The following EXOC6B variants were observed in gnomAD, a reference collection of about 807,000 sequenced individuals.
EXOC6B encodes exocyst complex component 6B.
In EXOC6B, 54 loss-of-function variants were observed where a neutral mutation model predicts 113.5. The observed-to-expected ratio is 0.48, with a 90% CI of 0.38 to 0.60. The LOEUF is 0.60. Ranked by LOEUF, EXOC6B falls within the 20% of genes least tolerant of loss-of-function variation. The pLI is 0.00. For synonymous variants in EXOC6B, 357 were observed against 339.0 expected (o/e 1.05, Z -0.58); for missense variants, 797 against 977.5 (o/e 0.82, Z 2.46).
At chr2:72,466,656 TGATA>T (rs1227496962) in intron 17 of EXOC6B, among the ~76,000 whole-genome samples, 2 of 152,170 alleles carry the variant, frequency 1.3e-5, no homozygotes, top group Non-Finnish European at 1.5e-5. Context: ...AAAATTTGAT[TGATA>T]AATAAAAATT....
At chr2:72,475,356 T>A (rs1211801184) in intron 17 of EXOC6B, among the ~76,000 whole-genome samples, 1 of 152,126 alleles carries the variant, frequency 6.6e-6, no homozygotes, top group Non-Finnish European at 1.5e-5. Flanking sequence ...TAGTCCCAAG[T>A]GGTTCACACG....
intron 20 of EXOC6B, among the ~76,000 whole-genome samples, chr2:72,205,665 G>C (rs1572996001): frequency 6.6e-6 from 1 of 152,308 alleles, no homozygotes; most frequent in East Asian, 1.9e-4. Flanking sequence ...TAGTTGGCAA[G>C]GCCTTGCCCA....
chr2:72,446,392 A>G (rs76846970), intron 18 of EXOC6B, among the ~76,000 whole-genome samples: 17 of 152,098 alleles, frequency 1.1e-4, no homozygotes, highest in Non-Finnish European at 1.5e-5. Context: ...AAAAAAAAAA[A>G]ATGAAAAGAA....
chr2:72,815,360 G>A (rs1205225873), intron 1 of EXOC6B, among the ~76,000 whole-genome samples: 2 of 151,332 alleles, frequency 1.3e-5, no homozygotes, highest in Non-Finnish European at 2.9e-5. Context: ...ACGTGGTGTC[G>A]CGCACCTGTA....
At chr2:72,227,726 C>T (rs2104453379) in intron 20 of EXOC6B, among the ~76,000 whole-genome samples, 1 of 152,194 alleles carries the variant, frequency 6.6e-6, no homozygotes, top group East Asian at 1.9e-4. Flanking sequence ...TTAATAAATA[C>T]CACATTCTTT....
At chr2:72,535,203 C>A (rs1248091209) in intron 8 of EXOC6B, among the ~76,000 whole-genome samples, 1 of 152,010 alleles carries the variant, frequency 6.6e-6, no homozygotes, top group Non-Finnish European at 1.5e-5. Flanking sequence ...GAAAGGAATC[C>A]CTAGATGTAC....
chr2:72,676,545 A>G (rs919875621), intron 6 of EXOC6B, among the ~76,000 whole-genome samples: 11 of 152,376 alleles, frequency 7.2e-5, no homozygotes, highest in African/African-American at 2.4e-4. Flanking sequence ...AGCAGAGTAC[A>G]CAATAGGCTT....
rs375458613 is a variant in EXOC6B at position 72,651,826 on chromosome 2, G to C, written c.669+66277C>G. Among the ~76,000 whole-genome samples, 3 of 152,116 alleles carry C rather than the reference G, an allele frequency of 2.0e-5. No individual in the cohort carries two copies. The East Asian group carries it at 5.8e-4, about 29-fold the overall frequency. On this transcript the variant is annotated intron_variant, in intron 6 of 21. Transcript: ENST00000272427. The stretch of plus-strand genomic sequence containing the variant: ...TATCCAGGGTGGTCTCATTATCCAG[G>C]GTGGTCTCGATCTCCTGACCTTGTG...
chr2:72,516,891 T>G (rs1701237508), intron 8 of EXOC6B, among the ~76,000 whole-genome samples: 1 of 152,148 alleles, frequency 6.6e-6, no homozygotes, highest in Admixed American at 6.5e-5. Flanking sequence ...AAATCAATGA[T>G]TAAAGTAAAA....
chr2:72,681,150 C>G (rs1558913073), intron 6 of EXOC6B, among the ~76,000 whole-genome samples: 1 of 152,050 alleles, frequency 6.6e-6, no homozygotes, highest in Non-Finnish European at 1.5e-5. Context: ...TGCAACATAC[C>G]CCTTTGCTCT....
chr2:72,763,759 T>A (rs553448511), intron 1 of EXOC6B, among the ~76,000 whole-genome samples: 1 of 152,252 alleles, frequency 6.6e-6, no homozygotes, highest in African/African-American at 2.4e-5. Context: ...TATTTTTAAT[T>A]TTTGAGAAGT....
chr2:72,689,583 T>G (rs1677337547), intron 6 of EXOC6B, among the ~76,000 whole-genome samples: 1 of 152,206 alleles, frequency 6.6e-6, no homozygotes, highest in South Asian at 2.1e-4. Flanking sequence ...GGGTGAAGAC[T>G]AGGTCTGAAT....
chr2:72,752,247 C>T (rs1215268627), intron 1 of EXOC6B, among the ~76,000 whole-genome samples: 1 of 152,090 alleles, frequency 6.6e-6, no homozygotes, highest in East Asian at 1.9e-4. Flanking sequence ...TTCCAATACA[C>T]AAATCTGTCT....
At chr2:72,627,724 T>C (rs984263262) in intron 6 of EXOC6B, among the ~76,000 whole-genome samples, 46 of 152,292 alleles carry the variant, frequency 3.0e-4, no homozygotes, top group African/African-American at 9.9e-4. Context: ...GATCTGTGTG[T>C]CCCTGGTGCA....
At chr2:72,645,859 C>A (rs1418156508) in intron 6 of EXOC6B, among the ~76,000 whole-genome samples, 4 of 152,094 alleles carry the variant, frequency 2.6e-5, no homozygotes, top group Non-Finnish European at 4.4e-5. Context: ...AAAATCAACA[C>A]CCTAACATCA....
chr2:72,243,570 A>C (rs1373058128), intron 20 of EXOC6B, among the ~76,000 whole-genome samples: 4 of 152,132 alleles, frequency 2.6e-5, no homozygotes, highest in African/African-American at 9.7e-5. Flanking sequence ...AGGGTGGGGA[A>C]CATCACTCCC....
intron 20 of EXOC6B, among the ~76,000 whole-genome samples, chr2:72,232,794 C>G (rs1253599154): frequency 6.6e-6 from 1 of 152,072 alleles, no homozygotes; most frequent in Non-Finnish European, 1.5e-5. Flanking sequence ...AAACCCGGGC[C>G]AGGCGCAGTG....
At chr2:72,399,770 C>T (rs1390670960) in intron 18 of EXOC6B, among the ~76,000 whole-genome samples, 1 of 151,738 alleles carries the variant, frequency 6.6e-6, no homozygotes, top group African/African-American at 2.4e-5. Flanking sequence ...ACCAAAAAAC[C>T]TTGTGTCATA....
chr2:72,534,821 T>C (rs1277767027), intron 8 of EXOC6B, among the ~76,000 whole-genome samples: 2 of 152,214 alleles, frequency 1.3e-5, no homozygotes, highest in Non-Finnish European at 2.9e-5. Flanking sequence ...ATGTTATTTC[T>C]ACTATACTAT....
Sources: gnomAD v4.1 joint callset for allele counts (sites outside exome capture counted in the v4.1 genomes callset) on GRCh38, gnomAD v4.1.1 for gene constraint, MANE v1.5 for transcripts, NCBI Gene and HGNC (gene_info 2026-07-23, HGNC 2026-07-21) for gene names.